PCDHGA4: variants seen among roughly 807,000 people sequenced by gnomAD.
PCDHGA4 encodes protocadherin gamma-A4.
Under a neutral mutation model 54.6 loss-of-function variants are expected in PCDHGA4, and 38 were observed. The observed-to-expected ratio is 0.70, with a 90% confidence interval of 0.54 to 0.91. PCDHGA4 has a LOEUF of 0.91. Among genes scored for constraint, PCDHGA4 ranks in the 40% least tolerant of loss-of-function variants. The pLI, the probability that PCDHGA4 is intolerant of heterozygous loss-of-function variation, is 0.00. For missense variants in PCDHGA4, 1,298 were observed against 1,220.9 expected, an observed-to-expected ratio of 1.06 and a Z score of -0.94; for synonymous variants, 511 against 512.9, an observed-to-expected ratio of 1.00 and a Z score of 0.05.
intron 1 of PCDHGA4, chr5:141,422,893 C>T (rs1405800318): frequency 3.1e-6 from 5 of 1,614,128 alleles, no homozygotes; most frequent in Admixed American, 3.3e-5. Flanking sequence ...CGTGCTGGAC[C>T]AGAACGACAA....
At chr5:141,364,596 G>C (rs1763432941) in intron 1 of PCDHGA4, 1 of 1,614,090 alleles carries the variant, frequency 6.2e-7, no homozygotes, top group Non-Finnish European at 8.5e-7. Context: ...ACCGCGGGCA[G>C]GATAGACCGG....
intron 1 of PCDHGA4, among the ~76,000 whole-genome samples, chr5:141,425,919 G>A (rs11167745): frequency 2.0e-5 from 3 of 152,174 alleles, no homozygotes; most frequent in East Asian, 1.9e-4. Flanking sequence ...CAGTCACTAC[G>A]AAAACTCATA....
In PCDHGA4 at chr5:141,511,007, G is replaced by C. The variant is rs780918754; in HGVS notation, c.2723G>C (p.Arg908Pro). Residue 908 changes from arginine to proline, a missense_variant, in exon 4 of 4, where the codon CGC (arginine) becomes CCC (proline). Physicochemically the swap from Arg to Pro is moderately radical, Grantham distance 103. Coordinates refer to ENST00000571252, the MANE Select transcript of PCDHGA4 (RefSeq NM_018917.4). Reference protein sequence around the residue: ...GGAGTMGLSARYGPQFTLQHV... With the variant: ...GGAGTMGLSAPYGPQFTLQHV... ...GCCGGCACCATGGGATTGAGCGCCC[G>C]CTACGGACCCCAGTTCACCCTGCAG... The C allele has an allele frequency of 1.9e-6, 3 of 1,614,042 alleles. No homozygotes were observed. The highest frequency in any genetic ancestry group is 2.7e-5 in the African/African-American group (2 of 74,910).
At chr5:141,422,090 AGGCTTCTGAAATATTCCAATT>A (rs1561798894) in intron 1 of PCDHGA4, 11 of 1,611,852 alleles carry the variant, frequency 6.8e-6, no homozygotes, top group Non-Finnish European at 9.3e-6. Flanking sequence ...ATGGAAAGCA[AGGCTTCTGAAATATTCCAATT>A]GGATTCACAA....
intron 1 of PCDHGA4, among the ~76,000 whole-genome samples, chr5:141,446,453 A>T (rs2098502702): frequency 6.6e-6 from 1 of 151,946 alleles, no homozygotes; most frequent in Non-Finnish European, 1.5e-5. Context: ...GCAGATATTC[A>T]GTGTGTGATT....
intron 1 of PCDHGA4, among the ~76,000 whole-genome samples, chr5:141,459,691 C>T (rs754899227): frequency 3.9e-5 from 6 of 152,158 alleles, no homozygotes; most frequent in East Asian, 1.9e-4. Flanking sequence ...TAAAGCGTTC[C>T]GCTTGCTACA....
chr5:141,447,823 C>T lies in PCDHGA4; in HGVS notation c.2515-46984C>T, dbSNP rs192381755. ...AAAATTGGCTGGGCGTGGTGGCTCA[C>T]GCCTGTAATCCCAGTGCTTTGGGAG... On this transcript the variant is annotated intron_variant, in intron 1 of 3. Coordinates refer to ENST00000571252, the MANE Select transcript of PCDHGA4 (RefSeq NM_018917.4). Among the ~76,000 whole-genome samples, 677 of 152,272 alleles carry T rather than the reference C, an allele frequency of 4.4e-3. 5 individuals are homozygous for T. Among genetic ancestry groups the T allele is most frequent in the African/African-American group, 0.015 (635 of 41,548 alleles).
chr5:141,398,663 C>T (rs2150753348), intron 1 of PCDHGA4: 2 of 1,614,016 alleles, frequency 1.2e-6, no homozygotes, highest in Non-Finnish European at 1.7e-6. Context: ...CCAAGTTTCT[C>T]ATTAATAATT....
Position 141,379,889 on chromosome 5 carries a change from C to CTTTTTT in PCDHGA4, c.2514+22293_2514+22298dup, listed in dbSNP as rs70988800. Among the ~76,000 whole-genome samples the CTTTTTT allele has an allele frequency of 6.7e-3, 342 of 50,826 alleles. 49 individuals carry two copies. Among genetic ancestry groups the CTTTTTT allele is most frequent in the African/African-American group, 8.9e-3 (134 of 15,072 alleles). 33.3% of individuals were successfully genotyped at this position (50,826 alleles called of 152,430 possible). On this transcript the variant is annotated intron_variant, in intron 1 of 3. Transcript: ENST00000571252. ...CTTATTTTATGGTCTGTGAAAGCCT[C>CTTTTTT]TTTTTTTTTTTTTTTTTTTTTTTTT...
intron 1 of PCDHGA4, among the ~76,000 whole-genome samples, chr5:141,368,063 A>G (rs1765467925): frequency 6.6e-6 from 1 of 152,184 alleles, no homozygotes; most frequent in Non-Finnish European, 1.5e-5. Flanking sequence ...GAACTACTAT[A>G]TTTCCCTTCT....
chr5:141,460,556 T>C (rs762545295), intron 1 of PCDHGA4, among the ~76,000 whole-genome samples: 10 of 152,152 alleles, frequency 6.6e-5, no homozygotes, highest in Admixed American at 3.3e-4. Context: ...CAAAAATCAT[T>C]TGGCCATGGA....
chr5:141,403,995 C>T, intron 1 of PCDHGA4: 1 of 1,613,762 alleles, frequency 6.2e-7, no homozygotes, highest in Non-Finnish European at 8.5e-7. Context: ...CCTGAAGTGA[C>T]CATTACATCT....
chr5:141,453,609 G>A (rs1208329212), intron 1 of PCDHGA4, among the ~76,000 whole-genome samples: 3 of 151,900 alleles, frequency 2.0e-5, no homozygotes, highest in South Asian at 4.2e-4. Context: ...TTTGCAAAAC[G>A]CAAAAACAAA....
chr5:141,407,808 C>T (rs1182707356), intron 1 of PCDHGA4, among the ~76,000 whole-genome samples: 1 of 152,136 alleles, frequency 6.6e-6, no homozygotes, highest in Non-Finnish European at 1.5e-5. Context: ...ATAGAAATAT[C>T]TACTATAATA....
rs554003983 is a variant in PCDHGA4, at chr5:141,415,548, A to T, written c.2514+57927A>T. 10 of 1,614,160 alleles carry T rather than the reference A, an allele frequency of 6.2e-6. No individual in the cohort carries two copies. The East Asian group carries it at 1.8e-4, about 29-fold the overall frequency. ...TCATCAGCCAGGAGAGCTGTGAGAA[A>T]AACGATCCTTTGTCTTTGTTAGATG... On this transcript the variant is annotated intron_variant, in intron 1 of 3. Coordinates refer to ENST00000571252, the MANE Select transcript of PCDHGA4 (RefSeq NM_018917.4).
chr5:141,421,530 C>T (rs377652360), intron 1 of PCDHGA4: 274 of 1,613,922 alleles, frequency 1.7e-4, no homozygotes, highest in Non-Finnish European at 2.3e-4. Flanking sequence ...AGACGGTGTC[C>T]TCCTGTTTTT....
At chr5:141,388,290 A>T (rs1299323228) in intron 1 of PCDHGA4, 1 of 1,613,388 alleles carries the variant, frequency 6.2e-7, no homozygotes, top group Non-Finnish European at 8.5e-7. Flanking sequence ...ATTCACGCAA[A>T]ATTCCTTTGA....
At position 141,383,914 on chromosome 5, in the gene PCDHGA4, G is replaced by T. The variant is rs1167823249; in HGVS notation, c.2514+26293G>T. ...GGCAAAAGTACTGATCACAGTTTTA[G>T]ATGTAAATGATAATGCTCCAGAAGT... On this transcript the variant is annotated intron_variant, in intron 1 of 3. Transcript: ENST00000571252. The T allele has an allele frequency of 6.2e-7, 1 of 1,613,958 alleles. No individual in the cohort carries two copies. Among genetic ancestry groups the T allele is most frequent in the Admixed American group, 1.7e-5 (1 of 60,022 alleles).
intron 1 of PCDHGA4, chr5:141,361,522 G>A: frequency 1.2e-6 from 2 of 1,614,054 alleles, no homozygotes; most frequent in Non-Finnish European, 1.7e-6. Flanking sequence ...TCACGTGGCA[G>A]AGAACAATCC....
Sources: allele counts gnomAD v4.1 joint callset (sites outside exome capture counted in the v4.1 genomes callset), GRCh38; gene constraint gnomAD v4.1.1; transcripts MANE v1.5; gene names NCBI Gene and HGNC (gene_info 2026-07-23, HGNC 2026-07-21).